The following LRFN5 variants were observed in gnomAD, a reference collection of about 807,000 sequenced individuals.
The protein encoded by LRFN5 is leucine-rich repeat and fibronectin type-III domain-containing protein 5.
LRFN5 carries 24 observed loss-of-function variants against 45.6 expected under a neutral mutation model. The ratio of observed to expected loss-of-function variants is 0.53; its 90% CI spans 0.38 to 0.74. The LOEUF (loss-of-function observed/expected upper bound fraction) is 0.74. LRFN5 is among the 30% of genes least tolerant of loss of function. LRFN5 has a pLI of 0.00. For missense variants in LRFN5, 776 were observed against 861.5 expected, an observed-to-expected ratio of 0.90 and a Z score of 1.24; for synonymous variants, 340 against 313.8, an observed-to-expected ratio of 1.08 and a Z score of -0.88.
chr14:41,622,063 C>G (rs1285013391), intron 1 of LRFN5, among the ~76,000 whole-genome samples: 1 of 151,846 alleles, frequency 6.6e-6, no homozygotes, highest in Non-Finnish European at 1.5e-5. Flanking sequence ...TGGGAAGAAT[C>G]AATGCACTAT....
chr14:41,858,888 A>T (rs1326017767), intron 2 of LRFN5, among the ~76,000 whole-genome samples: 1 of 152,186 alleles, frequency 6.6e-6, no homozygotes, highest in African/African-American at 2.4e-5. Flanking sequence ...CCTACTTTGT[A>T]GCATTGTTCT....
intron 1 of LRFN5, among the ~76,000 whole-genome samples, chr14:41,722,565 G>GTTT (rs201341679): frequency 4.1e-5 from 6 of 145,784 alleles, no homozygotes; most frequent in Admixed American, 6.8e-5. Context: ...AAAATACGGT[G>GTTT]TTTTTTTTTT....
chr14:41,747,999 A>C (rs1478549178), intron 1 of LRFN5, among the ~76,000 whole-genome samples: 1 of 152,064 alleles, frequency 6.6e-6, no homozygotes, highest in Admixed American at 6.6e-5. Flanking sequence ...AAAGAATATA[A>C]ACACAGAAAA....
At chr14:41,717,597 C>A (rs906758461) in intron 1 of LRFN5, among the ~76,000 whole-genome samples, 3 of 152,086 alleles carry the variant, frequency 2.0e-5, no homozygotes, top group Admixed American at 1.3e-4. Context: ...CTGTTGTTGA[C>A]CAATAGTTTC....
chr14:41,813,359 C>T (rs1887803383), intron 2 of LRFN5, among the ~76,000 whole-genome samples: 1 of 151,982 alleles, frequency 6.6e-6, no homozygotes, highest in Non-Finnish European at 1.5e-5. Context: ...CCCCAACCCC[C>T]TGTGGCCCTG....
intron 1 of LRFN5, among the ~76,000 whole-genome samples, chr14:41,656,978 C>T (rs1387751843): frequency 6.6e-6 from 1 of 151,820 alleles, no homozygotes; most frequent in Non-Finnish European, 1.5e-5. Context: ...AAAGTAAAAA[C>T]CCTTATCCTC....
intron 1 of LRFN5, among the ~76,000 whole-genome samples, chr14:41,728,792 T>C (rs1655819838): frequency 6.6e-6 from 1 of 152,192 alleles, no homozygotes; most frequent in South Asian, 2.1e-4. Context: ...CTGAGCATTT[T>C]AGATGAGAGA....
chr14:41,713,358 G>A (rs1883360868), intron 1 of LRFN5, among the ~76,000 whole-genome samples: 1 of 152,052 alleles, frequency 6.6e-6, no homozygotes. Context: ...AAGCAGTACT[G>A]AGAAATTAGA....
intron 1 of LRFN5, among the ~76,000 whole-genome samples, chr14:41,614,605 A>G (rs958443520): frequency 6.6e-6 from 1 of 152,070 alleles, no homozygotes; most frequent in African/African-American, 2.4e-5. Context: ...TTAAGAAATC[A>G]TGGCTGTGTT....
chr14:41,651,882 T>C (rs1880140974), intron 1 of LRFN5, among the ~76,000 whole-genome samples: 1 of 152,156 alleles, frequency 6.6e-6, no homozygotes, highest in Non-Finnish European at 1.5e-5. Context: ...TTCTGAGGCG[T>C]GTTTCCTTGG....
rs1010479527 is a variant in LRFN5 at position 41,732,814 on chromosome 14, A to T, written c.-196-34040A>T. Among the ~76,000 whole-genome samples, 8 of 152,160 alleles carry T rather than the reference A, an allele frequency of 5.3e-5. No individual in the cohort carries two copies. The East Asian group carries it at 1.5e-3, about 29-fold the overall frequency. On this transcript the variant is annotated intron_variant, in intron 1 of 5. Transcript: ENST00000298119. ...AAAAATCTGTATTAAAAATACTCAA[A>T]GAATTAAAGGAACACATTGAAACGT...
intron 5 of LRFN5, among the ~76,000 whole-genome samples, chr14:41,902,525 G>T (rs1420025217): frequency 6.6e-6 from 1 of 151,608 alleles, no homozygotes; most frequent in African/African-American, 2.4e-5. Context: ...AAACTTCTTA[G>T]TTCACAAAAT....
chr14:41,806,196 A>C (rs2138980017), intron 2 of LRFN5, among the ~76,000 whole-genome samples: 1 of 152,302 alleles, frequency 6.6e-6, no homozygotes, highest in East Asian at 1.9e-4. Flanking sequence ...CTTCAATTAA[A>C]CTGTAAGATA....
At chr14:41,896,191 A>G (rs1480281538) in intron 4 of LRFN5, among the ~76,000 whole-genome samples, 4 of 152,218 alleles carry the variant, frequency 2.6e-5, no homozygotes, top group Non-Finnish European at 4.4e-5. Context: ...TTAAAAATCC[A>G]TAAATATAAA....
chr14:41,610,590 A>T (rs1485512442), intron 1 of LRFN5, among the ~76,000 whole-genome samples: 2 of 149,440 alleles, frequency 1.3e-5, no homozygotes, highest in East Asian at 2.0e-4. Context: ...AGCTCCAGGG[A>T]TAACCAAGGA....
At chr14:41,817,356 G>C (rs1887956998) in intron 2 of LRFN5, among the ~76,000 whole-genome samples, 1 of 151,958 alleles carries the variant, frequency 6.6e-6, no homozygotes, top group African/African-American at 2.4e-5. Context: ...TTGATAACTG[G>C]ACATGATGTG....
Position 41,805,952 on chromosome 14 carries a change from G to A in LRFN5, c.-21+38923G>A, listed in dbSNP as rs1043454731. Among the ~76,000 whole-genome samples the A allele has an allele frequency of 2.6e-5, 4 of 152,066 alleles. No individual in the cohort carries two copies. In the South Asian group the frequency reaches 8.3e-4, roughly 32 times the overall value. On this transcript the variant is annotated intron_variant, in intron 2 of 5. Transcript: ENST00000298119. ...GAGGCATAAGTTTTCAGTGGACTCTGCCCACTGGTCTTGCAGACAGACCTA... is the reference window on the plus strand; with the variant it reads ...GAGGCATAAGTTTTCAGTGGACTCTACCCACTGGTCTTGCAGACAGACCTA...
chr14:41,714,967 G>A (rs1051046837), intron 1 of LRFN5, among the ~76,000 whole-genome samples: 1 of 151,906 alleles, frequency 6.6e-6, no homozygotes, highest in Non-Finnish European at 1.5e-5. Flanking sequence ...AAGAGTTCTG[G>A]GCAACATAGT....
intron 1 of LRFN5, among the ~76,000 whole-genome samples, chr14:41,743,602 T>A (rs773009297): frequency 6.6e-6 from 1 of 152,220 alleles, no homozygotes; most frequent in African/African-American, 2.4e-5. Flanking sequence ...TAAACTTCAG[T>A]GTTGTATTCC....
Sources: allele counts gnomAD v4.1 joint callset (sites outside exome capture counted in the v4.1 genomes callset), GRCh38; gene constraint gnomAD v4.1.1; transcripts MANE v1.5; gene names NCBI Gene and HGNC (gene_info 2026-07-23, HGNC 2026-07-21).